The following SMYD3 variants were observed in gnomAD, a reference collection of about 807,000 sequenced individuals.
SMYD3 encodes histone-lysine N-methyltransferase SMYD3.
A neutral mutation model predicts 57.7 loss-of-function variants in SMYD3; 36 were observed. That is an observed-to-expected ratio of 0.62 (90% CI 0.48 to 0.82). The LOEUF (loss-of-function observed/expected upper bound fraction) is 0.82, where lower values mean the gene tolerates loss of function less well. Among genes scored for constraint, SMYD3 ranks in the 40% least tolerant of loss-of-function variants. The pLI, the probability that SMYD3 is intolerant of heterozygous loss-of-function variation, is 0.00. For missense variants in SMYD3, 515 were observed against 538.8 expected (o/e 0.96, Z 0.44); for synonymous variants, 211 against 195.0 (o/e 1.08, Z -0.68).
At chr1:245,830,873 C>G (rs988142669) in intron 10 of SMYD3, among the ~76,000 whole-genome samples, 2 of 152,094 alleles carry the variant, frequency 1.3e-5, no homozygotes, top group Non-Finnish European at 2.9e-5. Flanking sequence ...CTAACCTCCA[C>G]AGTGCCCATG....
intron 5 of SMYD3, among the ~76,000 whole-genome samples, chr1:246,090,615 TC>T: frequency 6.6e-6 from 1 of 151,794 alleles, no homozygotes; most frequent in Non-Finnish European, 1.5e-5. Context: ...TCTCCCAGGT[TC>T]AAGTGGTTCT....
chr1:245,969,394 C>T (rs2058238247), intron 5 of SMYD3, among the ~76,000 whole-genome samples: 1 of 152,232 alleles, frequency 6.6e-6, no homozygotes, highest in South Asian at 2.1e-4. Context: ...TTAGCCAAGA[C>T]TTTTCTCTAC....
At chr1:246,061,020 G>T (rs61129607) in intron 5 of SMYD3, among the ~76,000 whole-genome samples, 27,499 of 151,928 alleles carry the variant, frequency 0.18, 3,122 homozygotes, top group East Asian at 0.39. Context: ...GAGGTCAGGG[G>T]TTTGAGACCA....
intron 5 of SMYD3, among the ~76,000 whole-genome samples, chr1:246,187,317 G>C (rs1324123792): frequency 6.6e-6 from 1 of 151,584 alleles, no homozygotes; most frequent in South Asian, 2.1e-4. Flanking sequence ...GAAAAGAAAG[G>C]AGAAACAAAT....
intron 5 of SMYD3, among the ~76,000 whole-genome samples, chr1:246,126,242 A>C (rs2061507987): frequency 6.6e-6 from 1 of 152,156 alleles, no homozygotes; most frequent in Non-Finnish European, 1.5e-5. Flanking sequence ...CATTTTCAGT[A>C]TTTTCAATTG....
At chr1:246,326,907 C>T in intron 5 of SMYD3, 1 of 411,758 alleles carries the variant, frequency 2.4e-6, no homozygotes, top group Non-Finnish European at 4.3e-6. Flanking sequence ...ATGGGATATG[C>T]TATTTTCTTC....
intron 5 of SMYD3, among the ~76,000 whole-genome samples, chr1:246,107,161 C>G (rs866052125): frequency 1.3e-5 from 2 of 149,456 alleles, no homozygotes; most frequent in African/African-American, 2.5e-5. Flanking sequence ...GTGGCAGGCG[C>G]CTGTAGTCCC....
intron 5 of SMYD3, among the ~76,000 whole-genome samples, chr1:246,287,735 G>A (rs562340974): frequency 6.6e-6 from 1 of 152,222 alleles, no homozygotes; most frequent in African/African-American, 2.4e-5. Context: ...TCAGGTTTAT[G>A]GAAACAGGAA....
chr1:246,492,382 C>T (rs914228071), intron 1 of SMYD3, among the ~76,000 whole-genome samples: 5 of 152,052 alleles, frequency 3.3e-5, no homozygotes, highest in African/African-American at 4.8e-5. Context: ...AGCTAAGAAC[C>T]GGTATCTCAG....
chr1:246,492,409 C>T (rs2068286095), intron 1 of SMYD3, among the ~76,000 whole-genome samples: 1 of 152,068 alleles, frequency 6.6e-6, no homozygotes, highest in African/African-American at 2.4e-5. Context: ...CCGATGGCTC[C>T]TGACTAGGAG....
At chr1:245,778,280 C>A (rs2046685011) in intron 10 of SMYD3, among the ~76,000 whole-genome samples, 1 of 152,092 alleles carries the variant, frequency 6.6e-6, no homozygotes, top group South Asian at 2.1e-4. Flanking sequence ...TACTAGAAAG[C>A]CACAGTAATC....
rs1282714622 is a variant in SMYD3, at chr1:245,764,047, CAG to C, written c.1177_1178del (p.Leu393GlufsTer5). ...GAGATCTTGGCACACTCACCAGTCT[CAG>C]ATTCTTCATTGCTTGGGGAAACATG... ...QGMFPQAMKN[L>X]RLAFDIMRVT... On this transcript the variant is annotated frameshift_variant, in exon 11 of 12. Transcript: ENST00000490107. LOFTEE classifies it high-confidence loss of function. The C allele has an allele frequency of 6.2e-7, 1 of 1,612,558 alleles. No homozygotes were observed. Among genetic ancestry groups the C allele is most frequent in the Admixed American group, 1.7e-5 (1 of 60,028 alleles).
intron 5 of SMYD3, chr1:246,035,729 G>A (rs970182942): frequency 2.6e-5 from 4 of 152,138 alleles, no homozygotes; most frequent in Middle Eastern, 6.8e-3. Context: ...TGCAACATGC[G>A]CTCATCCATA....
intron 5 of SMYD3, among the ~76,000 whole-genome samples, chr1:245,941,180 T>G (rs964693935): frequency 6.6e-6 from 1 of 152,072 alleles, no homozygotes; most frequent in African/African-American, 2.4e-5. Flanking sequence ...AAAGACCAAA[T>G]CTACGAATGA....
At chr1:246,086,639 CAGAG>C (rs1008677302) in intron 5 of SMYD3, among the ~76,000 whole-genome samples, 2 of 151,492 alleles carry the variant, frequency 1.3e-5, no homozygotes, top group African/African-American at 2.4e-5. Flanking sequence ...AAAAAAGCCT[CAGAG>C]AGAGAGAAGG....
At chr1:245,787,316 T>G (rs756538643) in intron 10 of SMYD3, among the ~76,000 whole-genome samples, 9 of 152,222 alleles carry the variant, frequency 5.9e-5, no homozygotes, top group Non-Finnish European at 1.2e-4. Context: ...GCTCTTTACA[T>G]GTAGCTCCCA....
In SMYD3 at chr1:245,862,504, T is replaced by C. The variant is rs1052491161; in HGVS notation, c.901+1295A>G. Among the ~76,000 whole-genome samples the C allele has an allele frequency of 1.6e-4, 6 of 36,382 alleles. No individual in the cohort carries two copies. In the South Asian group the frequency reaches 2.3e-3, roughly 14 times the overall value. 23.9% of individuals were successfully genotyped at this position (36,382 alleles called of 152,430 possible). A position where few individuals can be genotyped will look rare whatever the true frequency, so the allele number is the denominator to read the frequency against. ...ACATTTAGAGATCTTTTGAACTCTT[T>C]TTTTTCTTTCGAGATACTGATTCTA... On this transcript the variant is annotated intron_variant, in intron 9 of 11. Transcript: ENST00000490107.
intron 1 of SMYD3, among the ~76,000 whole-genome samples, chr1:246,444,113 C>T (rs2067512868): frequency 7.0e-6 from 1 of 142,156 alleles, no homozygotes; most frequent in Non-Finnish European, 1.5e-5. Context: ...CAAATTCACA[C>T]CCAGAACCTA....
chr1:245,842,092 T>C (rs1456337358), intron 10 of SMYD3, among the ~76,000 whole-genome samples: 1 of 152,230 alleles, frequency 6.6e-6, no homozygotes, highest in Non-Finnish European at 1.5e-5. Flanking sequence ...AGTTGTGTAG[T>C]AGGATTTCAC....
Sources: allele counts gnomAD v4.1 joint callset (sites outside exome capture counted in the v4.1 genomes callset), GRCh38; gene constraint gnomAD v4.1.1; transcripts MANE v1.5; gene names NCBI Gene and HGNC (gene_info 2026-07-23, HGNC 2026-07-21).